The following CYP2C19 variants were observed in gnomAD, a reference collection of about 807,000 sequenced individuals.
CYP2C19 encodes the protein cytochrome P450 family 2 subfamily C member 19.
In CYP2C19, 59 loss-of-function variants were observed where a neutral mutation model predicts 40.9. The observed-to-expected ratio is 1.44, with a 90% CI of 1.17 to 1.79. The LOEUF (loss-of-function observed/expected upper bound fraction) is 1.79. Ranked by LOEUF, CYP2C19 falls within the 40% of genes most tolerant of loss-of-function variation. The pLI is 0.00. For missense variants in CYP2C19, 754 were observed against 596.9 expected, an observed-to-expected ratio of 1.26 and a Z score of -2.74; for synonymous variants, 253 against 208.7, an observed-to-expected ratio of 1.21 and a Z score of -1.83.
rs566311971 is a variant in CYP2C19, at chr10:94,781,838, C to T, written c.660C>T (p.Pro220=). 4 of 1,440,892 alleles carry T rather than the reference C, an allele frequency of 2.8e-6. No homozygotes were observed. Among genetic ancestry groups the T allele is most frequent in the South Asian group, 1.6e-5 (1 of 61,460 alleles). The allele number at this position is 1,440,892 out of a possible 1,614,324, so 89.3% of individuals were successfully genotyped here. A position where few individuals can be genotyped will look rare whatever the true frequency, so the allele number is the denominator to read the frequency against. ...TCTCTTAGATATGCAATAATTTTCCCACTATCATTGATTATTTCCCGGGAA... is the reference window on the plus strand; with the variant it reads ...TCTCTTAGATATGCAATAATTTTCCTACTATCATTGATTATTTCCCGGGAA... ...TPWIQICNNF[P]TIIDYFPGTH... The change falls in exon 5 of 9, where the codon CCC becomes CCT. Residue 220 remains proline (P), a synonymous_variant. Transcript: ENST00000371321.
intron 1 of CYP2C19, 104 bp from the exon 2 acceptor site, chr10:94,774,953 CT>C: frequency 8.1e-7 from 1 of 1,231,278 alleles, no homozygotes; most frequent in Non-Finnish European, 1.1e-6. Flanking sequence ...GCCTGTGTGA[CT>C]GAATAAAAGC....
intron 6 of CYP2C19, among the ~76,000 whole-genome samples, chr10:94,842,004 C>T (rs78259677): frequency 0.078 from 11,809 of 152,210 alleles, 523 homozygotes; most frequent in South Asian, 0.12. Context: ...ATCTATTAGA[C>T]CCATTTGGTC....
In CYP2C19 at chr10:94,788,033, A is replaced by G. The variant is rs116377950; in HGVS notation, c.819+6036A>G. Among the ~76,000 whole-genome samples the G allele has an allele frequency of 4.6e-3, 706 of 152,082 alleles. 3 individuals are homozygous for G. The highest frequency in any genetic ancestry group is 0.016 in the African/African-American group (683 of 41,514). On this transcript the variant is annotated intron_variant, in intron 5 of 8. Coordinates refer to ENST00000371321, the MANE Select transcript of CYP2C19 (RefSeq NM_000769.4). ...GTTTTTTCATTTGTTAGTGTAATCT[A>G]TGATTTTGTTCAACAGTGTTTTGTA... is the stretch of plus-strand genomic sequence containing the variant.
At chr10:94,784,591 G>A (rs925509776) in intron 5 of CYP2C19, among the ~76,000 whole-genome samples, 3 of 151,944 alleles carry the variant, frequency 2.0e-5, no homozygotes, top group East Asian at 3.9e-4. Context: ...CCTAGTGAAT[G>A]TAAAGTGGTA....
At chr10:94,820,928 A>G (rs1283804120) in intron 6 of CYP2C19, among the ~76,000 whole-genome samples, 3 of 152,146 alleles carry the variant, frequency 2.0e-5, no homozygotes. Context: ...TACTAAAAAT[A>G]CAAAACGTAG....
At chr10:94,774,000 A>G (rs1848371209) in intron 1 of CYP2C19, 1 of 152,132 alleles carries the variant, frequency 6.6e-6, no homozygotes, top group South Asian at 2.1e-4. Context: ...GACACAGAGC[A>G]TTGATTGGTA....
intron 5 of CYP2C19, among the ~76,000 whole-genome samples, chr10:94,796,904 G>A (rs1311461053): frequency 2.0e-5 from 3 of 152,042 alleles, no homozygotes; most frequent in African/African-American, 7.2e-5. Context: ...GTGACAATGT[G>A]GTTTTCTAGT....
intron 5 of CYP2C19, among the ~76,000 whole-genome samples, chr10:94,818,603 C>T (rs1849053436): frequency 6.9e-6 from 1 of 144,294 alleles, no homozygotes; most frequent in Admixed American, 7.0e-5. Flanking sequence ...AGAGGTCCTT[C>T]ACATCCCTTG....
chr10:94,785,168 A>T (rs1848525517), intron 5 of CYP2C19, among the ~76,000 whole-genome samples: 1 of 151,968 alleles, frequency 6.6e-6, no homozygotes, highest in Non-Finnish European at 1.5e-5. Flanking sequence ...TTTAATTTTG[A>T]TGAAGTTTGG....
chr10:94,808,814 G>C (rs1177628082), intron 5 of CYP2C19, among the ~76,000 whole-genome samples: 1 of 151,996 alleles, frequency 6.6e-6, no homozygotes, highest in Non-Finnish European at 1.5e-5. Context: ...TATGTACCAC[G>C]TTTTCTTTAT....
At chr10:94,764,884 G>T (rs979068318) in intron 1 of CYP2C19, among the ~76,000 whole-genome samples, 1 of 152,132 alleles carries the variant, frequency 6.6e-6, no homozygotes, top group Admixed American at 6.5e-5. Context: ...TCCAGAGGTT[G>T]GTATGAGTTT....
At chr10:94,803,598 G>A (rs976015800) in intron 5 of CYP2C19, among the ~76,000 whole-genome samples, 3 of 152,172 alleles carry the variant, frequency 2.0e-5, no homozygotes, top group Admixed American at 6.5e-5. Flanking sequence ...CTAATGACAG[G>A]CACTAGCACC....
chr10:94,833,397 T>C (rs1849358938), intron 6 of CYP2C19, among the ~76,000 whole-genome samples: 4 of 152,206 alleles, frequency 2.6e-5, no homozygotes, highest in Non-Finnish European at 5.9e-5. Context: ...AGTAGGTCTG[T>C]CATATAGCTT....
At chr10:94,799,217 G>A (rs1370674491) in intron 5 of CYP2C19, among the ~76,000 whole-genome samples, 1 of 151,996 alleles carries the variant, frequency 6.6e-6, no homozygotes, top group Non-Finnish European at 1.5e-5. Flanking sequence ...AAATCTCTCA[G>A]CATTTGCTTG....
In CYP2C19 at chr10:94,853,493, TCA is replaced by T. The variant is rs895004363; in HGVS notation, c.*580_*581del. 3.7e-4 allele frequency among the ~76,000 whole-genome samples: 56 copies of T among 151,530 alleles called. No homozygotes were observed. Among genetic ancestry groups the T allele is most frequent in the African/African-American group, 1.4e-3 (56 of 41,244 alleles). On this transcript the variant is annotated 3_prime_UTR_variant, in exon 9 of 9. Coordinates refer to ENST00000371321, the MANE Select transcript of CYP2C19 (RefSeq NM_000769.4). ...GCAGCTCCAACCTCTAGGGAAATAT[TCA>T]GAGGATCAGGTATTGGGAGGAATGG...
At chr10:94,846,227 T>C (rs577267721) in intron 7 of CYP2C19, among the ~76,000 whole-genome samples, 24 of 152,274 alleles carry the variant, frequency 1.6e-4, no homozygotes, top group Non-Finnish European at 2.8e-4. Context: ...TTTCAGTATG[T>C]TGATCTCTGT....
At chr10:94,836,661 C>T (rs997149748) in intron 6 of CYP2C19, among the ~76,000 whole-genome samples, 3 of 152,194 alleles carry the variant, frequency 2.0e-5, no homozygotes. Flanking sequence ...TGAGGATAAG[C>T]CAGAATAAGC....
intron 5 of CYP2C19, among the ~76,000 whole-genome samples, chr10:94,802,440 A>G (rs1848779140): frequency 6.6e-6 from 1 of 151,936 alleles, no homozygotes; most frequent in Admixed American, 6.6e-5. Context: ...TGCTTGGTAA[A>G]TCTTCCTCCA....
intron 1 of CYP2C19, among the ~76,000 whole-genome samples, chr10:94,764,448 T>C (rs2134228498): frequency 6.6e-6 from 1 of 152,278 alleles, no homozygotes; most frequent in East Asian, 1.9e-4. Context: ...GATTGGTGTG[T>C]TTACAATCCT....
Sources: gnomAD v4.1 joint callset for allele counts (sites outside exome capture counted in the v4.1 genomes callset) on GRCh38, gnomAD v4.1.1 for gene constraint, MANE v1.5 for transcripts, NCBI Gene and HGNC (gene_info 2026-07-23, HGNC 2026-07-21) for gene names.